ALDH1A2: variants seen among roughly 807,000 people sequenced by gnomAD.
The protein encoded by ALDH1A2 is aldehyde dehydrogenase 1 family member A2.
ALDH1A2 carries 27 observed loss-of-function variants against 60.3 expected under a neutral mutation model. That is an observed-to-expected ratio of 0.45 (90% confidence interval 0.33 to 0.62). ALDH1A2 has a LOEUF of 0.62. Ranked by LOEUF, ALDH1A2 falls within the 20% of genes least tolerant of loss-of-function variation. The pLI is 0.02. For synonymous variants in ALDH1A2, 289 were observed against 232.4 expected, an observed-to-expected ratio of 1.24 and a Z score of -2.21; for missense variants, 581 against 643.8, an observed-to-expected ratio of 0.90 and a Z score of 1.06.
chr15:57,969,942 G>T (rs1449234465), intron 7 of ALDH1A2, among the ~76,000 whole-genome samples: 1 of 152,176 alleles, frequency 6.6e-6, no homozygotes, highest in Non-Finnish European at 1.5e-5. Flanking sequence ...GGCTTCTAAT[G>T]AATCTTCAAT....
At chr15:58,038,925 G>C (rs910143000) in intron 1 of ALDH1A2, among the ~76,000 whole-genome samples, 1 of 151,772 alleles carries the variant, frequency 6.6e-6, no homozygotes, top group African/African-American at 2.4e-5. Context: ...AACGTTTCAA[G>C]TTTTGAAACC....
intron 1 of ALDH1A2, among the ~76,000 whole-genome samples, chr15:58,058,468 C>CAAAAAA (rs1188637852): frequency 4.2e-5 from 1 of 23,564 alleles, no homozygotes; most frequent in Non-Finnish European, 1.2e-4. Context: ...AAATGATATT[C>CAAAAAA]AAAAAAAAAA....
chr15:58,021,423 G>A (rs1380274346), intron 1 of ALDH1A2, among the ~76,000 whole-genome samples: 59 of 152,288 alleles, frequency 3.9e-4, no homozygotes, highest in Admixed American at 3.9e-3. Flanking sequence ...CTGGGAGCCA[G>A]GAGTGATTTC....
chr15:58,022,327 T>A (rs984083505), intron 1 of ALDH1A2, among the ~76,000 whole-genome samples: 1 of 152,096 alleles, frequency 6.6e-6, no homozygotes, highest in African/African-American at 2.4e-5. Context: ...CACTACCACA[T>A]AAGCTGAAAT....
intron 7 of ALDH1A2, among the ~76,000 whole-genome samples, chr15:57,975,820 G>A (rs1162730211): frequency 6.6e-6 from 1 of 152,000 alleles, no homozygotes; most frequent in African/African-American, 2.4e-5. Flanking sequence ...TGTGGGGGTG[G>A]GGGTGGAGAG....
chr15:57,994,033 T>A (rs1409333273), intron 5 of ALDH1A2, among the ~76,000 whole-genome samples: 1 of 152,200 alleles, frequency 6.6e-6, no homozygotes, highest in Admixed American at 6.5e-5. Flanking sequence ...GTATAAATCT[T>A]AAAGTGCAGT....
chr15:57,994,309 C>A (rs777663117), intron 5 of ALDH1A2, among the ~76,000 whole-genome samples: 2 of 152,168 alleles, frequency 1.3e-5, no homozygotes, highest in Non-Finnish European at 2.9e-5. Flanking sequence ...ATTATATCTT[C>A]CCCACATCTT....
At chr15:58,037,863 A>G (rs1236910318) in intron 1 of ALDH1A2, among the ~76,000 whole-genome samples, 1 of 151,760 alleles carries the variant, frequency 6.6e-6, no homozygotes. Context: ...CAATGTATAA[A>G]AAGGACTTTG....
chr15:58,013,974 C>G lies in ALDH1A2; in HGVS notation c.247G>C (p.Ala83Pro). The change falls in exon 3 of 13, where the codon GCA becomes CCA. Residue 83 changes from alanine to proline, a missense_variant. This residue lies in a region of ALDH1A2 where 206 missense variants were observed against 174.1 expected (regional missense o/e 1.18). Coordinates refer to ENST00000249750, the MANE Select transcript of ALDH1A2 (RefSeq NM_003888.4). ...DKADIDKAVQ[A>P]ARLAFSLGSV... ...CCAAGAGAGAAAGCCAGGCGGGCTG[C>G]CTGCACTGCTTTGTCTATATCTGCC... is the stretch of plus-strand genomic sequence containing the variant. The G allele has an allele frequency of 6.2e-7, 1 of 1,614,092 alleles. No homozygotes were observed. Among genetic ancestry groups the G allele is most frequent in the Non-Finnish European group, 8.5e-7 (1 of 1,180,000 alleles).
intron 7 of ALDH1A2, among the ~76,000 whole-genome samples, chr15:57,969,939 A>C (rs952871158): frequency 1.3e-5 from 2 of 152,218 alleles, no homozygotes; most frequent in Admixed American, 1.3e-4. Flanking sequence ...TCTGGCTTCT[A>C]ATGAATCTTC....
chr15:58,026,016 G>A (rs1388986428), intron 1 of ALDH1A2, among the ~76,000 whole-genome samples: 1 of 152,132 alleles, frequency 6.6e-6, no homozygotes, highest in African/African-American at 2.4e-5. Flanking sequence ...ATTGCCACAT[G>A]AGATTTGGAG....
chr15:57,961,341 T>G (rs767841281), intron 10 of ALDH1A2, 47 bp from the exon 11 acceptor site: 1 of 1,601,316 alleles, frequency 6.2e-7, no homozygotes, highest in Non-Finnish European at 8.5e-7. Flanking sequence ...GTCATTCCTT[T>G]ACCTGCTTTC....
At chr15:57,994,699 G>T (rs1894995291) in intron 5 of ALDH1A2, among the ~76,000 whole-genome samples, 1 of 152,234 alleles carries the variant, frequency 6.6e-6, no homozygotes, top group South Asian at 2.1e-4. Flanking sequence ...GGGATTAAAA[G>T]ATCATATAAA....
intron 7 of ALDH1A2, among the ~76,000 whole-genome samples, chr15:57,971,140 T>C (rs1894050800): frequency 6.6e-6 from 1 of 152,236 alleles, no homozygotes; most frequent in Non-Finnish European, 1.5e-5. Flanking sequence ...CACCCACGAC[T>C]CTAGGCACAC....
At chr15:58,051,359 TTTTA>T (rs148511557) in intron 1 of ALDH1A2, among the ~76,000 whole-genome samples, 47,159 of 151,580 alleles carry the variant, frequency 0.31, 7,961 homozygotes, top group Non-Finnish European at 0.39. Flanking sequence ...AATTTTCTCT[TTTTA>T]TTTATTTATT....
chr15:58,004,883 G>C (rs780972835), intron 4 of ALDH1A2, among the ~76,000 whole-genome samples: 4 of 150,734 alleles, frequency 2.7e-5, no homozygotes, highest in Admixed American at 1.3e-4. Context: ...AAAAATCACC[G>C]ATGACACAAA....
intron 7 of ALDH1A2, among the ~76,000 whole-genome samples, chr15:57,975,571 A>G (rs926631218): frequency 3.3e-5 from 5 of 152,194 alleles, no homozygotes; most frequent in Admixed American, 6.5e-5. Context: ...AAAATGTTTC[A>G]AGTTTTGGGG....
chr15:57,963,771 T>G (rs1165252561), intron 9 of ALDH1A2, 114 bp downstream of exon 9: 1 of 1,087,882 alleles, frequency 9.2e-7, no homozygotes, highest in African/African-American at 1.5e-5. Flanking sequence ...TGGTGGAGAA[T>G]AAAGGAGTCA....
At chr15:57,980,997 C>T (rs1304229323) in intron 7 of ALDH1A2, among the ~76,000 whole-genome samples, 1 of 152,114 alleles carries the variant, frequency 6.6e-6, no homozygotes, top group Non-Finnish European at 1.5e-5. Context: ...GATTCAACTT[C>T]TTCCTGGTTT....
Sources: gnomAD v4.1 joint callset for allele counts (sites outside exome capture counted in the v4.1 genomes callset) on GRCh38, gnomAD v4.1.1 for gene constraint, gnomAD v4.1.1 regional missense constraint, MANE v1.5 for transcripts, NCBI Gene and HGNC (gene_info 2026-07-23, HGNC 2026-07-21) for gene names.